Variants in FOXF1 observed in about 807,000 individuals in gnomAD.
The protein encoded by FOXF1 is forkhead box protein F1.
A neutral mutation model predicts 26.6 loss-of-function variants in FOXF1; 9 were observed. The ratio of observed to expected loss-of-function variants is 0.34; its 90% CI spans 0.20 to 0.59. The LOEUF is 0.59. Ranked by LOEUF, FOXF1 falls within the 20% of genes least tolerant of loss-of-function variation. The pLI, the probability that FOXF1 is intolerant of heterozygous loss-of-function variation, is 0.83. For missense variants in FOXF1, 499 were observed against 549.9 expected, an observed-to-expected ratio of 0.91 and a Z score of 0.93; for synonymous variants, 330 against 257.7, an observed-to-expected ratio of 1.28 and a Z score of -2.69.
At chr16:86,512,001 T>C (rs1208425675) in intron 1 of FOXF1, among the ~76,000 whole-genome samples, 1 of 151,950 alleles carries the variant, frequency 6.6e-6, no homozygotes, top group East Asian at 1.9e-4. Context: ...GAACGGAAGG[T>C]GTTAGGCCCA....
At position 86,511,067 on chromosome 16, in the gene FOXF1, C is replaced by G. The variant is rs778424086; in HGVS notation, c.498C>G (p.Leu166=). Residue 166 remains leucine, a synonymous_variant, in exon 1 of 2, where the codon CTC becomes CTG. Coordinates refer to ENST00000262426, the MANE Select transcript of FOXF1 (RefSeq NM_001451.3). The part of the protein sequence containing the change: ...SMMNGLGFNH[L]PDTYGFQGSA... ...TGAACGGGCTCGGCTTCAACCACCTCCCGGACACCTACGGCTTCCAGGGCT... is the reference window on the plus strand; with the variant it reads ...TGAACGGGCTCGGCTTCAACCACCTGCCGGACACCTACGGCTTCCAGGGCT... The G allele has an allele frequency of 1.2e-6, 2 of 1,610,540 alleles. No individual in the cohort carries two copies. The highest frequency in any genetic ancestry group is 1.3e-5 in the African/African-American group (1 of 75,052).
In FOXF1 at chr16:86,511,544, G is replaced by C. The variant is rs371761992; in HGVS notation, c.975G>C (p.Leu325=). ...HQNSHNAPAE[L]QGIPRYHSQS... is the part of the protein sequence containing the mutation. ...ACAGCCACAACGCCCCAGCCGAGCT[G>C]CAAGGTGAGTGGGGAGGCCGAGGGC... Residue 325 remains leucine (L), a synonymous_variant, in exon 1 of 2, where the codon CTG becomes CTC. Transcript: ENST00000262426. The C allele has an allele frequency of 6.3e-7, 1 of 1,585,800 alleles. No homozygotes were observed. Among genetic ancestry groups the C allele is most frequent in the Admixed American group, 1.7e-5 (1 of 58,680 alleles).
chr16:86,514,818 T>TATGTATATAC lies in FOXF1; in HGVS notation c.*1736_*1745dup, dbSNP rs1969622625. The TATGTATATAC allele has an allele frequency of 6.6e-6, 1 of 151,398 alleles. No individual in the cohort carries two copies. The allele number at this position is 151,398 out of a possible 1,614,324, so 9.4% of individuals were successfully genotyped here. On this transcript the variant is annotated 3_prime_UTR_variant, in exon 2 of 2. Transcript: ENST00000262426. ...GCACATACATATGGATATACATATATATGTATATACATATATGTACATATA... is the reference window on the plus strand; with the variant it reads ...GCACATACATATGGATATACATATATATGTATATACATGTATATACATATATGTACATATA...
Position 86,513,025 on chromosome 16 carries a change from C to A in FOXF1, c.1080C>A (p.Gly360=), listed in dbSNP as rs796520326. ...AMASSSMHSA[G]GGSYYHQQVT... is the part of the protein sequence containing the mutation. ...CGTCCTCTTCCATGCACTCGGCCGG[C>A]GGGGGCTCCTACTACCACCAGCAGG... Residue 360 remains glycine (G), a synonymous_variant, in exon 2 of 2, where the codon GGC becomes GGA. Transcript: ENST00000262426. 2 of 1,613,806 alleles carry A rather than the reference C, an allele frequency of 1.2e-6. No individual in the cohort carries two copies. Among genetic ancestry groups the A allele is most frequent in the Non-Finnish European group, 1.7e-6 (2 of 1,180,036 alleles).
chr16:86,510,779 G>A lies in FOXF1; in HGVS notation c.210G>A (p.Thr70=). The A allele has an allele frequency of 6.2e-7, 1 of 1,614,110 alleles. No individual in the cohort carries two copies. Among genetic ancestry groups the A allele is most frequent in the South Asian group, 1.1e-5 (1 of 91,084 alleles). ...AGAGTTCACCCACCAAGCGCCTGAC[G>A]CTGAGCGAGATCTACCAGTTCCTGC... ...AIQSSPTKRL[T]LSEIYQFLQS... Residue 70 remains threonine, a synonymous_variant, in exon 1 of 2, where the codon ACG becomes ACA. Coordinates refer to ENST00000262426, the MANE Select transcript of FOXF1 (RefSeq NM_001451.3).
At position 86,511,421 on chromosome 16, in the gene FOXF1, T is replaced by C. The variant is rs757521076; in HGVS notation, c.852T>C (p.Tyr284=). The C allele has an allele frequency of 5.0e-6, 8 of 1,594,270 alleles. No individual in the cohort carries two copies. In the African/African-American group the frequency reaches 5.3e-5, roughly 11 times the overall value. ...ASAALNSGAS[Y]IKQQPLSPCN... is the part of the protein sequence containing the mutation. ...CGGCGCTCAACAGCGGCGCCTCTTA[T>C]ATCAAGCAGCAGCCCCTGTCCCCCT... Residue 284 remains tyrosine, a synonymous_variant, in exon 1 of 2, where the codon TAT becomes TAC. Coordinates refer to ENST00000262426, the MANE Select transcript of FOXF1 (RefSeq NM_001451.3).
chr16:86,512,154 A>G (rs1160858619), intron 1 of FOXF1, among the ~76,000 whole-genome samples: 1 of 152,216 alleles, frequency 6.6e-6, no homozygotes, highest in Non-Finnish European at 1.5e-5. Flanking sequence ...TCAGAGCTGC[A>G]GACCGGGCCA....
In FOXF1 at chr16:86,512,957, A is replaced by G; in HGVS notation, c.1012A>G (p.Met338Val). 6.2e-7 allele frequency: 1 copy of G among 1,614,162 alleles called. No individual in the cohort carries two copies. The highest frequency in any genetic ancestry group is 8.5e-7 in the Non-Finnish European group (1 of 1,180,034). ...IPRYHSQSPS[M>V]CDRKEFVFSF... The stretch of plus-strand genomic sequence containing the variant: ...GCGGTATCACTCGCAGTCGCCCAGC[A>G]TGTGTGACCGAAAGGAGTTTGTCTT... The change falls in exon 2 of 2, where the codon ATG becomes GTG. Residue 338 changes from methionine to valine, a missense_variant. Physicochemically the swap from Met to Val is conservative, Grantham distance 21 (BLOSUM62 1). This residue lies in a region of FOXF1 where 367 missense variants were observed against 324.8 expected (regional missense o/e 1.13). Coordinates refer to ENST00000262426, the MANE Select transcript of FOXF1 (RefSeq NM_001451.3).
intron 1 of FOXF1, among the ~76,000 whole-genome samples, chr16:86,512,471 T>C (rs1269698096): frequency 1.3e-5 from 2 of 152,210 alleles, no homozygotes; most frequent in African/African-American, 4.8e-5. Context: ...TGGAGAAGCT[T>C]CTTCTCACCC....
chr16:86,510,786 G>A lies in FOXF1; in HGVS notation c.217G>A (p.Glu73Lys). Residue 73 changes from glutamate (E) to lysine (K), a missense_variant, in exon 1 of 2, where the codon GAG becomes AAG. Glu to Lys is a moderately conservative substitution (Grantham distance 56, BLOSUM62 1). Coordinates refer to ENST00000262426, the MANE Select transcript of FOXF1 (RefSeq NM_001451.3). Reference protein sequence around the residue: ...SSPTKRLTLSEIYQFLQSRFP... With the variant: ...SSPTKRLTLSKIYQFLQSRFP... Reference sequence around the variant, plus strand: ...ACCCACCAAGCGCCTGACGCTGAGCGAGATCTACCAGTTCCTGCAGAGCCG... The same window carrying A: ...ACCCACCAAGCGCCTGACGCTGAGCAAGATCTACCAGTTCCTGCAGAGCCG... The A allele has an allele frequency of 1.2e-6, 2 of 1,614,160 alleles. No individual in the cohort carries two copies. The highest frequency in any genetic ancestry group is 1.7e-6 in the Non-Finnish European group (2 of 1,180,022).
In FOXF1 at chr16:86,510,676, C is replaced by T. The variant is rs765359228; in HGVS notation, c.107C>T (p.Ala36Val). Residue 36 changes from alanine to valine, a missense_variant, in exon 1 of 2, where the codon GCC becomes GTC. By Grantham distance (64) the Ala-to-Val change is moderately conservative (BLOSUM62 0). This residue lies in a region of FOXF1 where 76 missense variants were observed against 78.9 expected (regional missense o/e 0.96). Coordinates refer to ENST00000262426, the MANE Select transcript of FOXF1 (RefSeq NM_001451.3). Reference protein sequence around the residue: ...MDPASSGPSKAKKTNAGIRRP... With the variant: ...MDPASSGPSKVKKTNAGIRRP... ...CCCGCGTCGTCCGGCCCGTCCAAGG[C>T]CAAGAAGACCAACGCCGGCATCCGG... The T allele has an allele frequency of 2.5e-6, 4 of 1,611,794 alleles. No individual in the cohort carries two copies. Among genetic ancestry groups the T allele is most frequent in the Non-Finnish European group, 3.4e-6 (4 of 1,179,666 alleles).
Position 86,511,018 on chromosome 16 carries a change from C to T in FOXF1, c.449C>T (p.Ala150Val), listed in dbSNP as rs1484329217. The change falls in exon 1 of 2, where the codon GCG becomes GTG. Residue 150 changes from alanine to valine, a missense_variant. Ala to Val is a moderately conservative substitution (Grantham distance 64). This residue lies in a region of FOXF1 where 36 missense variants were observed against 73.7 expected (regional missense o/e 0.49). Coordinates refer to ENST00000262426, the MANE Select transcript of FOXF1 (RefSeq NM_001451.3). Reference protein sequence around the residue: ...RPRGFRRKCQALKPMYSMMNG... With the variant: ...RPRGFRRKCQVLKPMYSMMNG... ...CGCGGCTTCCGAAGGAAATGCCAGG[C>T]GCTCAAGCCCATGTACAGCATGATG... The T allele has an allele frequency of 9.9e-6, 16 of 1,612,334 alleles. No homozygotes were observed. Among genetic ancestry groups the T allele is most frequent in the Non-Finnish European group, 1.4e-5 (16 of 1,179,992 alleles).
In FOXF1 at chr16:86,515,099, G is replaced by C. The variant is rs1335742538; in HGVS notation, c.*2014G>C. The C allele has an allele frequency of 6.6e-6, 1 of 152,150 alleles. No individual in the cohort carries two copies. The highest frequency in any genetic ancestry group is 2.4e-5 in the African/African-American group (1 of 41,422). 9.4% of individuals were successfully genotyped at this position (152,150 alleles called of 1,614,324 possible). Reference sequence around the variant, plus strand: ...AGGGCGCTTGGTGGGCCAGGTGACAGGCACCTTTCCAATCCTGTAACATTT... The same window carrying C: ...AGGGCGCTTGGTGGGCCAGGTGACACGCACCTTTCCAATCCTGTAACATTT... On this transcript the variant is annotated 3_prime_UTR_variant, in exon 2 of 2. Coordinates refer to ENST00000262426, the MANE Select transcript of FOXF1 (RefSeq NM_001451.3). This position sits in a 1 kb window ranked among gnomAD's most constrained non-coding sequence, Gnocchi z 4.1.
rs1210967433 is a variant in FOXF1 at position 86,513,707 on chromosome 16, C to T, written c.*622C>T. On this transcript the variant is annotated 3_prime_UTR_variant, in exon 2 of 2. Transcript: ENST00000262426. Reference sequence around the variant, plus strand: ...CACAGGTGGATCTTTGTGCGAACAACTTGCATTTCGGAAGCCACTGTCCGT... The same window carrying T: ...CACAGGTGGATCTTTGTGCGAACAATTTGCATTTCGGAAGCCACTGTCCGT... 6.6e-6 allele frequency: 1 copy of T among 152,430 alleles called. No individual in the cohort carries two copies. Among genetic ancestry groups the T allele is most frequent in the Admixed American group, 6.5e-5 (1 of 15,306 alleles). 9.4% of individuals were successfully genotyped at this position (152,430 alleles called of 1,614,324 possible).
rs564755545 is a variant in FOXF1, at chr16:86,513,409, G to A, written c.*324G>A. 58 of 352,334 alleles carry A rather than the reference G, an allele frequency of 1.6e-4. No individual in the cohort carries two copies. Among genetic ancestry groups the A allele is most frequent in the African/African-American group, 9.4e-4 (45 of 47,712 alleles). The allele number at this position is 352,334 out of a possible 1,614,324, so 21.8% of individuals were successfully genotyped here. ...AGGGGAAAGCCCCCGCACCCACACA[G>A]GAATTCTGCTGAGGTCCCCCCTCCT... On this transcript the variant is annotated 3_prime_UTR_variant, in exon 2 of 2. Transcript: ENST00000262426.
chr16:86,511,947 G>A (rs1330732108), intron 1 of FOXF1, among the ~76,000 whole-genome samples: 1 of 151,840 alleles, frequency 6.6e-6, no homozygotes, highest in African/African-American at 2.4e-5. Context: ...CCTGGTGGTG[G>A]CCCTCAGGCT....
Position 86,513,514 on chromosome 16 carries a change from T to A in FOXF1, c.*429T>A, listed in dbSNP as rs1015116415. ...GACCAATCATTATCAAATACTTTTA[T>A]TTTTTGGTTGAGTATTTATCTTTTT... On this transcript the variant is annotated 3_prime_UTR_variant, in exon 2 of 2. Transcript: ENST00000262426. 3 of 178,006 alleles carry A rather than the reference T, an allele frequency of 1.7e-5. No individual in the cohort carries two copies. The highest frequency in any genetic ancestry group is 7.2e-5 in the African/African-American group (3 of 41,646). The allele number at this position is 178,006 out of a possible 1,614,324, so 11.0% of individuals were successfully genotyped here. A position where few individuals can be genotyped will look rare whatever the true frequency, so the allele number is the denominator to read the frequency against.
In FOXF1 at chr16:86,510,698, C is replaced by A; in HGVS notation, c.129C>A (p.Ile43=). 3 of 1,613,062 alleles carry A rather than the reference C, an allele frequency of 1.9e-6. No homozygotes were observed. Among genetic ancestry groups the A allele is most frequent in the Non-Finnish European group, 2.5e-6 (3 of 1,179,930 alleles). The change falls in exon 1 of 2, where the codon ATC becomes ATA. Residue 43 remains isoleucine, a synonymous_variant. Coordinates refer to ENST00000262426, the MANE Select transcript of FOXF1 (RefSeq NM_001451.3). Reference sequence around the variant, plus strand: ...AGGCCAAGAAGACCAACGCCGGCATCCGGCGCCCGGAGAAGCCGCCCTATT... The same window carrying A: ...AGGCCAAGAAGACCAACGCCGGCATACGGCGCCCGGAGAAGCCGCCCTATT... ...PSKAKKTNAG[I]RRPEKPPYSY...
rs1472135650 is a variant in FOXF1, at chr16:86,511,287, G to C, written c.718G>C (p.Asp240His). ...GGCGGCCGGCGAGTACCCGCACCAC[G>C]ACAGCTCGGTGCCCGCCTCCCCGCT... ...GAAAGEYPHH[D>H]SSVPASPLLP... Residue 240 changes from aspartate to histidine, a missense_variant, in exon 1 of 2, where the codon GAC becomes CAC. Coordinates refer to ENST00000262426, the MANE Select transcript of FOXF1 (RefSeq NM_001451.3). 2 of 1,523,790 alleles carry C rather than the reference G, an allele frequency of 1.3e-6. No individual in the cohort carries two copies. The highest frequency in any genetic ancestry group is 1.8e-6 in the Non-Finnish European group (2 of 1,142,474). 94.4% of individuals were successfully genotyped at this position (1,523,790 alleles called of 1,614,324 possible).
Sources: gnomAD v4.1 joint callset for allele counts (sites outside exome capture counted in the v4.1 genomes callset) on GRCh38, gnomAD v4.1.1 for gene constraint, gnomAD v4.1.1 regional missense constraint, Gnocchi (gnomAD v3.1) non-coding constraint, MANE v1.5 for transcripts, NCBI Gene and HGNC (gene_info 2026-07-23, HGNC 2026-07-21) for gene names.